Variants in SMPX observed in about 807,000 individuals in gnomAD.
The protein encoded by SMPX is small muscular protein.
SMPX carries 2 observed loss-of-function variants against 6.3 expected under a neutral mutation model. The ratio of observed to expected loss-of-function variants is 0.32; its 90% CI spans 0.13 to 0.99. The LOEUF (loss-of-function observed/expected upper bound fraction) is 0.99, where lower values mean the gene tolerates loss of function less well. Among genes scored for constraint, SMPX ranks in the 50% least tolerant of loss-of-function variants. The pLI is 0.49. For synonymous variants in SMPX, 32 were observed against 24.7 expected (o/e 1.30, Z -0.88); for missense variants, 60 against 66.8 (o/e 0.90, Z 0.36).
At position 21,731,424 on chromosome X, in the gene SMPX, CATATATGTGTGTATGTGTACACAT is replaced by C. The variant is rs1177607067; in HGVS notation, c.*14+6101_*14+6124del. Among the ~76,000 whole-genome samples, 6 of 70,817 alleles carry C rather than the reference CATATATGTGTGTATGTGTACACAT, an allele frequency of 8.5e-5. 1 individual carries two copies. In the Admixed American group the frequency reaches 9.4e-4, roughly 11 times the overall value. The allele number at this position is 70,817 out of a possible 115,157, so 61.5% of individuals were successfully genotyped here. On this transcript the variant is annotated intron_variant, in intron 4 of 4. Transcript: ENST00000379494. ...ACTATACATATAATATATATACACA[CATATATGTGTGTATGTGTACACAT>C]ACACATAATGTGTGTATGTGTACAC...
At chrX:21,724,427 A>AAATT (rs990100230) in intron 4 of SMPX, among the ~76,000 whole-genome samples, 7 of 112,693 alleles carry the variant, frequency 6.2e-5, no homozygotes, top group African/African-American at 2.3e-4. Flanking sequence ...CGACTTTTTA[A>AAATT]AATTAAACAA....
intron 4 of SMPX, among the ~76,000 whole-genome samples, chrX:21,717,927 C>A (rs1432609206): frequency 8.9e-6 from 1 of 112,414 alleles, no homozygotes; most frequent in Admixed American, 9.4e-5. Context: ...GCGCCTCCAT[C>A]AGCTGGCAGA....
At chrX:21,716,651 A>G (rs1300843371) in intron 4 of SMPX, among the ~76,000 whole-genome samples, 2 of 112,128 alleles carry the variant, frequency 1.8e-5, no homozygotes, top group African/African-American at 3.2e-5. Context: ...CTCCTTTTCT[A>G]TCTTCCAAAC....
intron 3 of SMPX, among the ~76,000 whole-genome samples, chrX:21,740,591 T>C (rs775899003): frequency 8.9e-6 from 1 of 112,570 alleles, no homozygotes; most frequent in Admixed American, 9.3e-5. Flanking sequence ...GGCCTGCTCA[T>C]TCATGCTCAA....
intron 2 of SMPX, among the ~76,000 whole-genome samples, chrX:21,750,664 T>C (rs1163336282): frequency 8.9e-6 from 1 of 112,185 alleles, no homozygotes; most frequent in Non-Finnish European, 1.9e-5. Context: ...ATTTAACTAA[T>C]ACAACTAAAG....
intron 2 of SMPX, among the ~76,000 whole-genome samples, chrX:21,751,065 G>A (rs1872916098): frequency 8.9e-6 from 1 of 112,170 alleles, no homozygotes; most frequent in South Asian, 3.7e-4. Context: ...GACTGTTAGA[G>A]CTATGGTCAA....
At chrX:21,731,059 C>T (rs1350390072) in intron 4 of SMPX, among the ~76,000 whole-genome samples, 1 of 110,665 alleles carries the variant, frequency 9.0e-6, no homozygotes, top group African/African-American at 3.3e-5. Flanking sequence ...TTTGGGTATG[C>T]TGTATTTTTG....
intron 4 of SMPX, among the ~76,000 whole-genome samples, chrX:21,708,018 C>G (rs1266425095): frequency 1.8e-5 from 2 of 112,908 alleles, no homozygotes; most frequent in Admixed American, 9.3e-5. Context: ...GGTGCCACTT[C>G]TTTTCAAAGC....
chrX:21,756,032 A>G (rs2092832528), intron 1 of SMPX, among the ~76,000 whole-genome samples: 1 of 112,579 alleles, frequency 8.9e-6, no homozygotes, highest in African/African-American at 3.2e-5. Context: ...AATTCCAAAA[A>G]GAAAAGCTTC....
chrX:21,754,346 A>T (rs1409748410), intron 1 of SMPX, 44 bp from the exon 2 acceptor site: 4 of 981,247 alleles, frequency 4.1e-6, no homozygotes, highest in Non-Finnish European at 5.8e-6. Context: ...CAGCATTCAG[A>T]TCCTCAGTCT....
chrX:21,754,534 G>A (rs937104865), intron 1 of SMPX, among the ~76,000 whole-genome samples: 18 of 111,503 alleles, frequency 1.6e-4, no homozygotes, highest in Admixed American at 1.0e-3. Flanking sequence ...GAGACGCCTC[G>A]CCCCTGATGC....
intron 4 of SMPX, among the ~76,000 whole-genome samples, chrX:21,717,678 CA>C (rs1370947009): frequency 8.9e-6 from 1 of 112,293 alleles, no homozygotes; most frequent in Non-Finnish European, 1.9e-5. Context: ...GAAGGAAAAT[CA>C]GACAGAATAA....
In SMPX at chrX:21,706,204, T is replaced by C. The variant is rs2092772709; in HGVS notation, c.*205A>G. The C allele has an allele frequency of 3.9e-6, 2 of 508,475 alleles. No homozygotes were observed. The highest frequency in any genetic ancestry group is 3.6e-5 in the East Asian group (1 of 27,471). 41.9% of individuals were successfully genotyped at this position (508,475 alleles called of 1,213,427 possible). A position where few individuals can be genotyped will look rare whatever the true frequency, so the allele number is the denominator to read the frequency against. The stretch of plus-strand genomic sequence containing the variant: ...GTGTTGAATTTATGGGCTAATTTGT[T>C]CTGTGAGGTGCCAAAAATGAAGATA... On this transcript the variant is annotated 3_prime_UTR_variant, in exon 5 of 5. Coordinates refer to ENST00000379494, the MANE Select transcript of SMPX (RefSeq NM_014332.3).
chrX:21,723,477 T>G (rs2092793815), intron 4 of SMPX, among the ~76,000 whole-genome samples: 1 of 112,250 alleles, frequency 8.9e-6, no homozygotes, highest in South Asian at 3.7e-4. Context: ...ATAATGACAC[T>G]ATTTGATGCT....
chrX:21,743,783 G>A lies in SMPX; in HGVS notation c.99C>T (p.Pro33=). 1 of 1,208,638 alleles carries A rather than the reference G, an allele frequency of 8.3e-7. No individual in the cohort carries two copies. The highest frequency in any genetic ancestry group is 1.1e-6 in the Non-Finnish European group (1 of 892,950). The change falls in exon 3 of 5, where the codon CCC becomes CCT. Residue 33 remains proline, a synonymous_variant. Coordinates refer to ENST00000379494, the MANE Select transcript of SMPX (RefSeq NM_014332.3). ...CTTCAGGAGTACATTCTTTTCTTCT[G>A]GGGGGTTGACCTGCTCCTGGCCGAA... is the stretch of plus-strand genomic sequence containing the variant. ...GAFRPGAGQP[P]RRKECTPEVE... is the part of the protein sequence containing the mutation.
At chrX:21,731,596 AT>A (rs774094641) in intron 4 of SMPX, among the ~76,000 whole-genome samples, 159 of 95,185 alleles carry the variant, frequency 1.7e-3, no homozygotes, top group Non-Finnish European at 2.7e-3. Context: ...ATATGTACAC[AT>A]TAATGTGTAT....
chrX:21,722,075 C>T (rs1193023441), intron 4 of SMPX, among the ~76,000 whole-genome samples: 1 of 110,488 alleles, frequency 9.1e-6, no homozygotes, highest in Non-Finnish European at 1.9e-5. Flanking sequence ...GTGGGAGGAT[C>T]GCTTGAGCCC....
chrX:21,710,755 TGGGC>T (rs2092777780), intron 4 of SMPX, among the ~76,000 whole-genome samples: 1 of 111,715 alleles, frequency 9.0e-6, no homozygotes, highest in Non-Finnish European at 1.9e-5. Context: ...AGGGGGAAGC[TGGGC>T]CAGTGCTATC....
At chrX:21,741,954 A>G (rs1462479691) in intron 3 of SMPX, among the ~76,000 whole-genome samples, 1 of 112,364 alleles carries the variant, frequency 8.9e-6, no homozygotes, top group African/African-American at 3.2e-5. Flanking sequence ...ATGCACTGCA[A>G]CCAACAGATT....
Sources: allele counts gnomAD v4.1 joint callset (sites outside exome capture counted in the v4.1 genomes callset), GRCh38; gene constraint gnomAD v4.1.1; transcripts MANE v1.5; gene names NCBI Gene and HGNC (gene_info 2026-07-23, HGNC 2026-07-21).